The following HEATR5A variants were observed in gnomAD, a reference collection of about 807,000 sequenced individuals.
HEATR5A encodes the protein HEAT repeat containing 5A.
Under a neutral mutation model 218.8 loss-of-function variants are expected in HEATR5A, and 178 were observed. That is an observed-to-expected ratio of 0.81 (90% CI 0.72 to 0.92). The LOEUF is 0.92. Ranked by LOEUF, HEATR5A falls within the 40% of genes least tolerant of loss-of-function variation. The pLI, the probability that HEATR5A is intolerant of heterozygous loss-of-function variation, is 0.00. For synonymous variants in HEATR5A, 864 were observed against 871.6 expected (o/e 0.99, Z 0.15); for missense variants, 2,420 against 2,418.9 (o/e 1.00, Z -0.01).
chr14:31,404,002 T>C lies in HEATR5A; in HGVS notation c.-74-953A>G, dbSNP rs1183728869. Among the ~76,000 whole-genome samples the C allele has an allele frequency of 6.6e-5, 10 of 152,326 alleles. No homozygotes were observed. In the South Asian group the frequency reaches 2.1e-3, roughly 32 times the overall value. On this transcript the variant is annotated intron_variant, in intron 1 of 35. Coordinates refer to ENST00000543095, the MANE Select transcript of HEATR5A (RefSeq NM_015473.4). ...CACTCAACCATAAAATATGGCAAAATGTTAACAGCCGAATACAGGTAGTGG... is the reference window on the plus strand; with the variant it reads ...CACTCAACCATAAAATATGGCAAAACGTTAACAGCCGAATACAGGTAGTGG...
rs2030089484 is a variant in HEATR5A, at chr14:31,383,699, A to G, written c.1418T>C (p.Leu473Ser). ...ISVRLAAAWC[L>S]HCIAVALPSY... Reference sequence around the variant, plus strand: ...GGGTAATGCCACGGCAATGCAGTGTAAACACCAAGCTGCTGCTAGTCGAAC... The same window carrying G: ...GGGTAATGCCACGGCAATGCAGTGTGAACACCAAGCTGCTGCTAGTCGAAC... Residue 473 changes from leucine (L) to serine (S), a missense_variant, in exon 10 of 36, where the codon TTA becomes TCA. Transcript: ENST00000543095. 5 of 1,613,792 alleles carry G rather than the reference A, an allele frequency of 3.1e-6. No homozygotes were observed. Among genetic ancestry groups the G allele is most frequent in the Non-Finnish European group, 4.2e-6 (5 of 1,179,822 alleles).
In HEATR5A at chr14:31,292,749, A is replaced by C. The variant is rs1220524613; in HGVS notation, c.*556T>G. The C allele has an allele frequency of 6.6e-6, 1 of 152,058 alleles. No individual in the cohort carries two copies. The highest frequency in any genetic ancestry group is 1.5e-5 in the Non-Finnish European group (1 of 68,100). 9.4% of individuals were successfully genotyped at this position (152,058 alleles called of 1,614,324 possible). A position where few individuals can be genotyped will look rare whatever the true frequency, so the allele number is the denominator to read the frequency against. On this transcript the variant is annotated 3_prime_UTR_variant, in exon 36 of 36. Transcript: ENST00000543095. ...AGGTGTGTGCCACCACACCCGGCTA[A>C]TTTTTGTATTTTTAGTAGAGACGGG... is the stretch of plus-strand genomic sequence containing the variant.
chr14:31,413,178 C>A (rs1379556634), intron 1 of HEATR5A, among the ~76,000 whole-genome samples: 1 of 152,024 alleles, frequency 6.6e-6, no homozygotes, highest in African/African-American at 2.4e-5. Context: ...TGCCGCTCAC[C>A]ACTGCATAAT....
chr14:31,318,542 G>T (rs1041840334), intron 25 of HEATR5A, among the ~76,000 whole-genome samples: 1 of 152,142 alleles, frequency 6.6e-6, no homozygotes, highest in Non-Finnish European at 1.5e-5. Context: ...GCAGGCTGGA[G>T]TGCAGTGGCG....
At chr14:31,407,864 G>A (rs1433018640) in intron 1 of HEATR5A, among the ~76,000 whole-genome samples, 1 of 152,110 alleles carries the variant, frequency 6.6e-6, no homozygotes, top group Non-Finnish European at 1.5e-5. Flanking sequence ...CTGAACTCAG[G>A]TAATCCATCC....
In HEATR5A at chr14:31,321,152, C is replaced by T. The variant is rs553633872; in HGVS notation, c.3969+347G>A. Among the ~76,000 whole-genome samples, 87 of 151,882 alleles carry T rather than the reference C, an allele frequency of 5.7e-4. 1 individual carries two copies. Among genetic ancestry groups the T allele is most frequent in the African/African-American group, 1.8e-3 (76 of 41,392 alleles). On this transcript the variant is annotated intron_variant, in intron 25 of 35. Coordinates refer to ENST00000543095, the MANE Select transcript of HEATR5A (RefSeq NM_015473.4). ...TCCTCTTTTTTAACTTTCCCATCCT[C>T]AGACAGTTTCAGACTTTTTTTTTTG...
chr14:31,296,830 A>G (rs1899202252), intron 33 of HEATR5A: 1 of 152,232 alleles, frequency 6.6e-6, no homozygotes, highest in Admixed American at 6.5e-5. Context: ...ATACTTATGA[A>G]GAAATGACAT....
chr14:31,405,411 G>C (rs1595181963), intron 1 of HEATR5A, among the ~76,000 whole-genome samples: 1 of 152,210 alleles, frequency 6.6e-6, no homozygotes, highest in East Asian at 1.9e-4. Context: ...TCCAGACTGG[G>C]GGACAGAGTG....
At position 31,374,799 on chromosome 14, in the gene HEATR5A, G is replaced by T. The variant is rs761999936; in HGVS notation, c.1861+17C>A. ...AAAGCCAAAGGAAAGGGAGAGAAAA[G>T]ACTAAATCCAACCTACCACACAGTG... On this transcript the variant is annotated intron_variant, in intron 12 of 35. Coordinates refer to ENST00000543095, the MANE Select transcript of HEATR5A (RefSeq NM_015473.4). 1 of 1,596,442 alleles carries T rather than the reference G, an allele frequency of 6.3e-7. No homozygotes were observed. The highest frequency in any genetic ancestry group is 1.3e-5 in the African/African-American group (1 of 74,274).
chr14:31,311,475 G>A (rs1460076349), intron 28 of HEATR5A, among the ~76,000 whole-genome samples: 2 of 151,760 alleles, frequency 1.3e-5, no homozygotes, highest in Non-Finnish European at 2.9e-5. Flanking sequence ...ACAGTGGCAC[G>A]ATGATAGCTG....
At chr14:31,295,506 A>C (rs1566743961) in intron 34 of HEATR5A, 1 of 152,512 alleles carries the variant, frequency 6.6e-6, no homozygotes, top group South Asian at 2.0e-4. Flanking sequence ...GCGTCCTCCC[A>C]AAGTGCTGGA....
At chr14:31,412,152 C>T (rs947170380) in intron 1 of HEATR5A, among the ~76,000 whole-genome samples, 4 of 152,106 alleles carry the variant, frequency 2.6e-5, no homozygotes, top group African/African-American at 9.7e-5. Flanking sequence ...TCACTGCATG[C>T]AGCCTGAAAT....
chr14:31,371,505 G>A (rs912081956), intron 13 of HEATR5A: 158 of 190,118 alleles, frequency 8.3e-4, no homozygotes, highest in African/African-American at 3.6e-3. Context: ...GAAGCATCTG[G>A]TTCTCACGAA....
chr14:31,324,317 G>T (rs1318260323), intron 23 of HEATR5A, among the ~76,000 whole-genome samples: 1 of 152,182 alleles, frequency 6.6e-6, no homozygotes, highest in East Asian at 1.9e-4. Context: ...TATCAAAGGT[G>T]TAATGATAGC....
chr14:31,302,133 AT>A, intron 33 of HEATR5A, 161 bp downstream of exon 33: 1 of 604,226 alleles, frequency 1.7e-6, no homozygotes, highest in Non-Finnish European at 2.9e-6. Context: ...CACCCGGCCA[AT>A]TTTCTATCTA....
At chr14:31,298,782 G>A (rs543800660) in intron 33 of HEATR5A, among the ~76,000 whole-genome samples, 87 of 151,190 alleles carry the variant, frequency 5.8e-4, no homozygotes, top group Middle Eastern at 3.4e-3. Flanking sequence ...TTTTTCCCCC[G>A]TTAAGTATGA....
At chr14:31,294,192 G>C in intron 34 of HEATR5A, 88 bp from the exon 35 acceptor site, 1 of 840,568 alleles carries the variant, frequency 1.2e-6, no homozygotes, top group Non-Finnish European at 1.8e-6. Flanking sequence ...AAGTAGTGAA[G>C]GTATTTAAAT....
chr14:31,295,854 C>A, intron 34 of HEATR5A, 55 bp downstream of exon 34: 1 of 1,456,896 alleles, frequency 6.9e-7, no homozygotes, highest in South Asian at 1.3e-5. Flanking sequence ...AGAAAATTTT[C>A]TAAAGGCCTA....
chr14:31,307,546 A>G (rs528982377), intron 30 of HEATR5A, among the ~76,000 whole-genome samples: 5 of 152,334 alleles, frequency 3.3e-5, no homozygotes, highest in Admixed American at 2.0e-4. Flanking sequence ...GGAATGGAAT[A>G]TAAGATACAG....
Sources: gnomAD v4.1 joint callset for allele counts (sites outside exome capture counted in the v4.1 genomes callset) on GRCh38, gnomAD v4.1.1 for gene constraint, MANE v1.5 for transcripts, NCBI Gene and HGNC (gene_info 2026-07-23, HGNC 2026-07-21) for gene names.